LMBR1: variants seen among roughly 807,000 people sequenced by gnomAD.
The protein encoded by LMBR1 is limb development membrane protein 1.
LMBR1 carries 52 observed loss-of-function variants against 73.9 expected under a neutral mutation model. The observed-to-expected ratio is 0.70, with a 90% CI of 0.56 to 0.89. The LOEUF is 0.89. LMBR1 is among the 40% of genes least tolerant of loss of function. The probability of loss-of-function intolerance (pLI) is 0.00; values close to 1 mark genes in which losing one functional copy is unlikely to be tolerated. For missense variants in LMBR1, 539 were observed against 579.8 expected, an observed-to-expected ratio of 0.93 and a Z score of 0.72; for synonymous variants, 215 against 209.4, an observed-to-expected ratio of 1.03 and a Z score of -0.23.
At chr7:156,761,986 A>AAAAAAAAAAAAAAC (rs1209361105) in intron 8 of LMBR1, 148 bp downstream of exon 8, 41 of 578,162 alleles carry the variant, frequency 7.1e-5, no homozygotes, top group Non-Finnish European at 1.1e-4. Flanking sequence ...CAAAAAAAAA[A>AAAAAAAAAAAAAAC]AAAAAACTTA....
chr7:156,810,069 T>TA (rs34994902), intron 4 of LMBR1, among the ~76,000 whole-genome samples: 6,004 of 148,596 alleles, frequency 0.04, 150 homozygotes, highest in Non-Finnish European at 0.052. Context: ...GGTAATTTAT[T>TA]AAAAAAAAAA....
chr7:156,687,328 A>C (rs145043332), intron 16 of LMBR1, among the ~76,000 whole-genome samples: 1 of 152,316 alleles, frequency 6.6e-6, no homozygotes, highest in East Asian at 1.9e-4. Flanking sequence ...ATAAAATTAC[A>C]ACCCCCTCCC....
intron 5 of LMBR1, among the ~76,000 whole-genome samples, chr7:156,778,909 A>G (rs1826622896): frequency 6.6e-6 from 1 of 152,216 alleles, no homozygotes; most frequent in South Asian, 2.1e-4. Context: ...CAGAATCAGG[A>G]GCTAGAAAGC....
At chr7:156,675,804 T>A, downstream of LMBR1, 1 of 1,614,008 alleles carries the variant, frequency 6.2e-7, no homozygotes, top group Non-Finnish European at 8.5e-7. Flanking sequence ...TCTTCAGCAG[T>A]TGGAAGAAAA....
intron 3 of LMBR1, chr7:156,833,473 G>A (rs959591754): frequency 1.3e-5 from 5 of 381,988 alleles, no homozygotes; most frequent in African/African-American, 4.3e-5. Context: ...AAACAGCCAA[G>A]AGTCTTCTTT....
At chr7:156,873,355 C>T (rs1281883711) in intron 1 of LMBR1, among the ~76,000 whole-genome samples, 2 of 151,994 alleles carry the variant, frequency 1.3e-5, no homozygotes, top group African/African-American at 2.4e-5. Flanking sequence ...TGCAGATCTT[C>T]GCGGTGAGTG....
At chr7:156,843,783 C>G (rs1044349073) in intron 1 of LMBR1, among the ~76,000 whole-genome samples, 1 of 149,962 alleles carries the variant, frequency 6.7e-6, no homozygotes, top group Non-Finnish European at 1.5e-5. Flanking sequence ...TTGTCATGAG[C>G]CAAGATGGGG....
chr7:156,794,307 G>C (rs1193692033), intron 5 of LMBR1, among the ~76,000 whole-genome samples: 1 of 152,148 alleles, frequency 6.6e-6, no homozygotes, highest in East Asian at 1.9e-4. Context: ...TTTTAAAATA[G>C]AGGAAGTAAG....
chr7:156,709,644 C>A (rs1329306209), intron 15 of LMBR1, among the ~76,000 whole-genome samples: 3 of 152,144 alleles, frequency 2.0e-5, no homozygotes, highest in Non-Finnish European at 4.4e-5. Flanking sequence ...GAAGCCCCAT[C>A]CCTAGGTGAA....
chr7:156,691,364 C>T (rs1807138385), intron 15 of LMBR1, among the ~76,000 whole-genome samples: 1 of 152,250 alleles, frequency 6.6e-6, no homozygotes, highest in African/African-American at 2.4e-5. Context: ...ATCACCTCCC[C>T]CAACTAGAAT....
chr7:156,756,871 T>C (rs1453211599), intron 8 of LMBR1, among the ~76,000 whole-genome samples: 1 of 152,194 alleles, frequency 6.6e-6, no homozygotes, highest in African/African-American at 2.4e-5. Flanking sequence ...TGGAGTGCAG[T>C]GGTACGATAA....
chr7:156,738,670 C>A (rs982372173), intron 9 of LMBR1, among the ~76,000 whole-genome samples: 2 of 152,248 alleles, frequency 1.3e-5, no homozygotes, highest in Non-Finnish European at 1.5e-5. Flanking sequence ...TCATGAGGGC[C>A]CCATTCTAGG....
At chr7:156,748,442 G>A (rs1820229381) in intron 9 of LMBR1, among the ~76,000 whole-genome samples, 2 of 151,976 alleles carry the variant, frequency 1.3e-5, no homozygotes, top group Admixed American at 1.3e-4. Flanking sequence ...TTGTAGTTGA[G>A]AAAGTAGCTC....
intron 9 of LMBR1, among the ~76,000 whole-genome samples, chr7:156,742,803 G>T (rs1211609592): frequency 6.6e-6 from 1 of 151,570 alleles, no homozygotes; most frequent in East Asian, 1.9e-4. Flanking sequence ...ATCAAAGAAA[G>T]CAAACTACAG....
chr7:156,698,643 C>A (rs1041014016), intron 15 of LMBR1, among the ~76,000 whole-genome samples: 4 of 152,214 alleles, frequency 2.6e-5, no homozygotes, highest in Non-Finnish European at 4.4e-5. Context: ...TTAGTCACGG[C>A]TGGAGCAGCT....
In LMBR1 at chr7:156,695,699, C is replaced by A. The variant is rs114951149; in HGVS notation, c.1226-7508G>T. Among the ~76,000 whole-genome samples, 660 of 152,300 alleles carry A rather than the reference C, an allele frequency of 4.3e-3. 4 individuals are homozygous for A. Among genetic ancestry groups the A allele is most frequent in the African/African-American group, 0.015 (633 of 41,546 alleles). The stretch of plus-strand genomic sequence containing the variant: ...CCACCTCCAACACTGGGAATCACAA[C>A]TGAACATGAGATCTGGGTGAGGACA... On this transcript the variant is annotated intron_variant, in intron 15 of 16. Transcript: ENST00000353442.
chr7:156,855,643 C>T (rs1024393051), intron 1 of LMBR1, among the ~76,000 whole-genome samples: 2 of 119,646 alleles, frequency 1.7e-5, no homozygotes, highest in African/African-American at 6.4e-5. Flanking sequence ...AGAAAGCTCA[C>T]AGACCAACAA....
At chr7:156,701,866 A>G (rs140825177) in intron 15 of LMBR1, among the ~76,000 whole-genome samples, 93 of 152,296 alleles carry the variant, frequency 6.1e-4, no homozygotes, top group African/African-American at 2.1e-3. Context: ...CTTATAAGTG[A>G]GAACATGTGG....
rs79635933 is a variant in LMBR1 at position 156,848,062 on chromosome 7, C to A, written c.67-11177G>T. 6.0e-3 allele frequency among the ~76,000 whole-genome samples: 890 copies of A among 148,044 alleles called. 35 individuals are homozygous for A. The highest frequency in any genetic ancestry group is 0.054 in the Admixed American group (805 of 14,898). ...CTAAAATGTAGAAGATCATTCAACA[C>A]TAAAAAAAAAAAAATGCAAAAGATG... is the stretch of plus-strand genomic sequence containing the variant. On this transcript the variant is annotated intron_variant, in intron 1 of 16. Transcript: ENST00000353442.
Sources: gnomAD v4.1 joint callset for allele counts (sites outside exome capture counted in the v4.1 genomes callset) on GRCh38, gnomAD v4.1.1 for gene constraint, MANE v1.5 for transcripts, NCBI Gene and HGNC (gene_info 2026-07-23, HGNC 2026-07-21) for gene names.